CD163L1: variants seen among roughly 807,000 people sequenced by gnomAD.
CD163L1 encodes the protein CD163 molecule like 1.
A neutral mutation model predicts 165.4 loss-of-function variants in CD163L1; 124 were observed. The ratio of observed to expected loss-of-function variants is 0.75; its 90% CI spans 0.65 to 0.87. The LOEUF (loss-of-function observed/expected upper bound fraction) is 0.87, where lower values mean the gene tolerates loss of function less well. Among genes scored for constraint, CD163L1 ranks in the 40% least tolerant of loss-of-function variants. The probability of loss-of-function intolerance (pLI) is 0.00; values close to 1 mark genes in which losing one functional copy is unlikely to be tolerated. For missense variants in CD163L1, 1,525 were observed against 1,799.9 expected (o/e 0.85, Z 2.76); for synonymous variants, 585 against 662.2 (o/e 0.88, Z 1.79).
rs370565330 is a variant in CD163L1, at chr12:7,405,078, G to A, written c.1088-1223C>T. Reference sequence around the variant, plus strand: ...CACATCTGTTTTCACTGTTGGGACGGTTTTCCAACCTTATTTTCACATCTG... The same window carrying A: ...CACATCTGTTTTCACTGTTGGGACGATTTTCCAACCTTATTTTCACATCTG... On this transcript the variant is annotated intron_variant, in intron 5 of 19. Transcript: ENST00000313599. Among the ~76,000 whole-genome samples the A allele has an allele frequency of 1.4e-4, 21 of 152,198 alleles. No homozygotes were observed. The East Asian group carries it at 2.5e-3, about 18-fold the overall frequency.
At position 7,347,765 on chromosome 12, in the gene CD163L1, C is replaced by T. The variant is rs1453995161; in HGVS notation, c.*25-618G>A. On this transcript the variant is annotated intron_variant, in intron 4 of 4. Transcript: ENST00000539726. The surrounding 1 kb of genome is among the most constrained non-coding windows in gnomAD (Gnocchi z 4.2). ...CAGCCTGGGTGACAGAGCGAGACTC[C>T]GTCTCAAAAAAAAAAAGAAAAAGAA... 2.7e-5 allele frequency among the ~76,000 whole-genome samples: 4 copies of T among 150,360 alleles called. No individual in the cohort carries two copies. Among genetic ancestry groups the T allele is most frequent in the Admixed American group, 6.6e-5 (1 of 15,156 alleles).
chr12:7,444,030 G>T (rs530743298), intron 1 of CD163L1, 67 bp downstream of exon 1: 8 of 1,373,582 alleles, frequency 5.8e-6, no homozygotes, highest in Admixed American at 5.1e-5. Context: ...TCTGTTTGTT[G>T]TTACACATAT....
chr12:7,342,485 G>A (rs1035496665), downstream of CD163L1, among the ~76,000 whole-genome samples: 6 of 152,072 alleles, frequency 3.9e-5, no homozygotes, highest in Non-Finnish European at 7.4e-5. Flanking sequence ...ATCTCTGTTC[G>A]AGGCTCTCAG....
At chr12:7,321,971 G>T in the CD163L1 span, among the ~76,000 whole-genome samples, 1 of 152,304 alleles carries the variant, frequency 6.6e-6, no homozygotes, top group South Asian at 2.1e-4. Flanking sequence ...TTACATGGAA[G>T]GCTTTCGGCA....
At chr12:7,360,202 G>A (rs1223529314) in intron 18 of CD163L1, among the ~76,000 whole-genome samples, 1 of 151,906 alleles carries the variant, frequency 6.6e-6, no homozygotes, top group Non-Finnish European at 1.5e-5. Context: ...GAGTGCAATG[G>A]TGCGATTTCG....
chr12:7,438,899 T>C, intron 2 of CD163L1: 2 of 1,599,422 alleles, frequency 1.3e-6, no homozygotes, highest in Non-Finnish European at 1.7e-6. Context: ...GCCTCTGTCT[T>C]GATTCCTCTG....
rs373996568 is a variant in CD163L1 at position 7,375,587 on chromosome 12, C to A, written c.2695G>T (p.Asp899Tyr). The A allele has an allele frequency of 8.1e-6, 13 of 1,612,204 alleles. No individual in the cohort carries two copies. Among genetic ancestry groups the A allele is most frequent in the Admixed American group, 6.7e-5 (4 of 60,004 alleles). Residue 899 changes from aspartate (D) to tyrosine (Y), a missense_variant, in exon 11 of 20, where the codon GAT becomes TAT. Asp to Tyr is a radical substitution (Grantham distance 160). Coordinates refer to ENST00000313599, the MANE Select transcript of CD163L1 (RefSeq NM_174941.6). ...EVGVVCSRYT[D>Y]VRLVNGKSQC... is the part of the protein sequence containing the mutation. ...GATTTGCCATTCACAAGTCGGACAT[C>A]TGTATATCCTAGGAGGAGACAAGGC...
chr12:7,346,335 C>A (rs1207418085), downstream of CD163L1, among the ~76,000 whole-genome samples: 2 of 151,656 alleles, frequency 1.3e-5, no homozygotes, highest in African/African-American at 4.8e-5. Context: ...TGTATTGATT[C>A]TTTTTATTAC....
intron 4 of CD163L1, among the ~76,000 whole-genome samples, chr12:7,408,842 CT>C (rs1948079020): frequency 6.6e-6 from 1 of 152,174 alleles, no homozygotes; most frequent in Non-Finnish European, 1.5e-5. Context: ...TGTACTTGTA[CT>C]TTTTTGACTA....
chr12:7,367,354 T>A (rs1329374457), intron 17 of CD163L1, 23 bp from the exon 18 acceptor site: 1 of 1,531,568 alleles, frequency 6.5e-7, no homozygotes, highest in African/African-American at 1.4e-5. Context: ...GCTTCATGGT[T>A]AGGATTCAAA....
At chr12:7,338,236 C>A in the CD163L1 span, among the ~76,000 whole-genome samples, 1 of 152,084 alleles carries the variant, frequency 6.6e-6, no homozygotes, top group East Asian at 1.9e-4. Flanking sequence ...ATGGGTGTAG[C>A]AAACCACCAT....
rs7486037 is a variant in CD163L1, at chr12:7,356,214, G to T, written c.*25-1084C>A. 2.4e-3 allele frequency among the ~76,000 whole-genome samples: 359 copies of T among 152,100 alleles called. 4 individuals carry two copies. Among genetic ancestry groups the T allele is most frequent in the East Asian group, 0.015 (76 of 5,180 alleles). On this transcript the variant is annotated intron_variant, in intron 19 of 19. Transcript: ENST00000313599. ...TACATTTTAATTTAAGTTTTTCAATGAACTTTTCCAAATAGAGAAATTATC... is the reference window on the plus strand; with the variant it reads ...TACATTTTAATTTAAGTTTTTCAATTAACTTTTCCAAATAGAGAAATTATC...
chr12:7,380,879 T>C (rs1257747370), intron 8 of CD163L1, among the ~76,000 whole-genome samples: 2 of 152,178 alleles, frequency 1.3e-5, no homozygotes, highest in Non-Finnish European at 2.9e-5. Flanking sequence ...TTTAGCAGTA[T>C]TGACATAAAA....
chr12:7,432,455 CATG>C lies in CD163L1; in HGVS notation c.724_726del (p.His242del), dbSNP rs764235008. 2 of 1,614,000 alleles carry C rather than the reference CATG, an allele frequency of 1.2e-6. No individual in the cohort carries two copies. The highest frequency in any genetic ancestry group is 1.7e-6 in the Non-Finnish European group (2 of 1,179,944). ...GTGACATCCTCATTGTGACTGCAGT[CATG>C]ATTTCCCCATCCACGATGTCTGCAA... On this transcript the variant is annotated inframe_deletion, in exon 4 of 20. Transcript: ENST00000313599. This position sits in a 1 kb window ranked among gnomAD's most constrained non-coding sequence, Gnocchi z 4.2.
At chr12:7,329,620 G>A in the CD163L1 span, among the ~76,000 whole-genome samples, 1 of 150,798 alleles carries the variant, frequency 6.6e-6, no homozygotes, top group South Asian at 2.1e-4. Flanking sequence ...GTTTGTTTGT[G>A]TTTTTTTTAA....
chr12:7,328,310 A>G, the CD163L1 span: 1 of 1,591,790 alleles, frequency 6.3e-7, no homozygotes. Flanking sequence ...AAGAACTCCC[A>G]AAGACAATCA....
At chr12:7,343,692 C>T (rs756695951), downstream of CD163L1, among the ~76,000 whole-genome samples, 6 of 152,322 alleles carry the variant, frequency 3.9e-5, no homozygotes, top group Non-Finnish European at 7.4e-5. Flanking sequence ...ACACCTCCCA[C>T]CAGGCCCCAA....
At chr12:7,422,664 C>G (rs1005945741) in intron 4 of CD163L1, among the ~76,000 whole-genome samples, 1 of 149,176 alleles carries the variant, frequency 6.7e-6, no homozygotes, top group African/African-American at 2.5e-5. Context: ...ATATATATCT[C>G]ATATCATAAC....
chr12:7,412,951 C>A (rs1948166421), intron 4 of CD163L1, among the ~76,000 whole-genome samples: 1 of 151,736 alleles, frequency 6.6e-6, no homozygotes, highest in Admixed American at 6.6e-5. Flanking sequence ...AAAAAATTAG[C>A]CAGGCATGGT....
Sources: allele counts gnomAD v4.1 joint callset (sites outside exome capture counted in the v4.1 genomes callset), GRCh38; gene constraint gnomAD v4.1.1; non-coding constraint Gnocchi (gnomAD v3.1); transcripts MANE v1.5; gene names NCBI Gene and HGNC (gene_info 2026-07-23, HGNC 2026-07-21).